The following SMCHD1 variants were observed in gnomAD, a reference collection of about 807,000 sequenced individuals.
SMCHD1 encodes the protein structural maintenance of chromosomes flexible hinge domain-containing protein 1.
A neutral mutation model predicts 254.7 loss-of-function variants in SMCHD1; 78 were observed. That is an observed-to-expected ratio of 0.31 (90% CI 0.26 to 0.37). The LOEUF is 0.37. Among genes scored for constraint, SMCHD1 ranks in the 10% least tolerant of loss-of-function variants. The pLI, the probability that SMCHD1 is intolerant of heterozygous loss-of-function variation, is 1.00. For missense variants in SMCHD1, 1,840 were observed against 2,408.1 expected (o/e 0.76, Z 4.94); for synonymous variants, 766 against 794.9 (o/e 0.96, Z 0.61).
At chr18:2,800,629 TGCTCG>T (rs1288479892) in intron 47 of SMCHD1, 1 of 152,204 alleles carries the variant, frequency 6.6e-6, no homozygotes, top group Non-Finnish European at 1.5e-5. Flanking sequence ...TGAGTCACCA[TGCTCG>T]GCCCAACATC....
intron 5 of SMCHD1, among the ~76,000 whole-genome samples, chr18:2,685,334 C>T (rs963005957): frequency 2.0e-5 from 3 of 151,872 alleles, no homozygotes; most frequent in African/African-American, 2.4e-5. Flanking sequence ...CTCCTGACCT[C>T]GTGATCCGCC....
intron 41 of SMCHD1, 61 bp downstream of exon 41, chr18:2,772,433 G>T: frequency 1.4e-6 from 2 of 1,382,622 alleles, no homozygotes; most frequent in Non-Finnish European, 1.9e-6. Context: ...TGTTTAAAAC[G>T]GGTCTTCTAA....
chr18:2,738,682 C>A, intron 26 of SMCHD1, 137 bp downstream of exon 26: 1 of 797,126 alleles, frequency 1.3e-6, no homozygotes, highest in Non-Finnish European at 1.8e-6. Flanking sequence ...AATAAAGTGT[C>A]ATTGGTGATA....
At chr18:2,777,221 C>G (rs1191143706) in intron 42 of SMCHD1, among the ~76,000 whole-genome samples, 2 of 152,174 alleles carry the variant, frequency 1.3e-5, no homozygotes, top group Non-Finnish European at 2.9e-5. Flanking sequence ...AACGAGTTAT[C>G]CTCTCTGTTT....
intron 35 of SMCHD1, among the ~76,000 whole-genome samples, chr18:2,761,631 A>G (rs1327670671): frequency 2.0e-5 from 3 of 152,158 alleles, no homozygotes; most frequent in African/African-American, 4.8e-5. Context: ...AGCCTGGCCA[A>G]TATGGTGAAA....
rs769432583 is a variant in SMCHD1 at position 2,708,907 on chromosome 18, T to TATATAAA, written c.2260+988_2260+989insTATAAAA. On this transcript the variant is annotated intron_variant, in intron 17 of 47. Coordinates refer to ENST00000320876, the MANE Select transcript of SMCHD1 (RefSeq NM_015295.3). ...ATATATATATATATATATATATATA[T>TATATAAA]AACATATTAACATGAAATTTATGAA... Among the ~76,000 whole-genome samples the TATATAAA allele has an allele frequency of 1.9e-3, 83 of 44,694 alleles. 4 individuals are homozygous for TATATAAA. Among genetic ancestry groups the TATATAAA allele is most frequent in the African/African-American group, 5.0e-3 (59 of 11,884 alleles). The allele number at this position is 44,694 out of a possible 152,430, so 29.3% of individuals were successfully genotyped here. A position where few individuals can be genotyped will look rare whatever the true frequency, so the allele number is the denominator to read the frequency against.
At chr18:2,771,127 G>A (rs2143745175) in intron 39 of SMCHD1, among the ~76,000 whole-genome samples, 1 of 152,222 alleles carries the variant, frequency 6.6e-6, no homozygotes, top group Non-Finnish European at 1.5e-5. Context: ...ACAAGATCAA[G>A]GATATTTAGA....
chr18:2,774,438 A>G (rs1246080216), intron 41 of SMCHD1, among the ~76,000 whole-genome samples: 1 of 151,940 alleles, frequency 6.6e-6, no homozygotes, highest in South Asian at 2.1e-4. Context: ...TTGAGACAGG[A>G]TCTCACTCCT....
chr18:2,760,441 T>G (rs1478717583), intron 34 of SMCHD1: 3 of 391,376 alleles, frequency 7.7e-6, no homozygotes, highest in Non-Finnish European at 1.4e-5. Context: ...AGCACGTTTA[T>G]TCTGGATGTT....
At chr18:2,787,360 C>T (rs1308815783) in intron 45 of SMCHD1, among the ~76,000 whole-genome samples, 1 of 152,168 alleles carries the variant, frequency 6.6e-6, no homozygotes, top group Non-Finnish European at 1.5e-5. Flanking sequence ...CAAATTTTAA[C>T]ATGAGCTTTG....
intron 25 of SMCHD1, among the ~76,000 whole-genome samples, chr18:2,736,995 G>A (rs1372498208): frequency 1.3e-5 from 2 of 152,056 alleles, no homozygotes; most frequent in Admixed American, 6.6e-5. Flanking sequence ...GGTGCCTGTC[G>A]GTAGTAGATT....
chr18:2,731,894 C>A (rs570782462), intron 24 of SMCHD1, among the ~76,000 whole-genome samples: 7 of 152,132 alleles, frequency 4.6e-5, no homozygotes, highest in Non-Finnish European at 8.8e-5. Flanking sequence ...GCCTGTAATC[C>A]CAGCTACTCT....
At chr18:2,700,453 T>G in intron 10 of SMCHD1, 86 bp from the exon 11 acceptor site, 1 of 1,384,114 alleles carries the variant, frequency 7.2e-7, no homozygotes, top group Admixed American at 2.6e-5. Flanking sequence ...TTTTATAGAA[T>G]GCAATTTGAA....
chr18:2,760,601 T>C, intron 34 of SMCHD1, 51 bp from the exon 35 acceptor site: 1 of 1,010,034 alleles, frequency 9.9e-7, no homozygotes, highest in Non-Finnish European at 1.6e-6. Context: ...TTGAATTCCT[T>C]CCCCCTTTAT....
At chr18:2,781,818 A>G (rs2076161718) in intron 44 of SMCHD1, among the ~76,000 whole-genome samples, 1 of 152,210 alleles carries the variant, frequency 6.6e-6, no homozygotes, top group East Asian at 1.9e-4. Flanking sequence ...CCAGAGAGAA[A>G]GAGAAAATGG....
At chr18:2,752,424 T>A in intron 33 of SMCHD1, 64 bp from the exon 34 acceptor site, 1 of 1,044,454 alleles carries the variant, frequency 9.6e-7, no homozygotes, top group Non-Finnish European at 1.5e-6. Context: ...GCTTTCCTCC[T>A]AAGTATACTA....
At chr18:2,735,727 A>C (rs1793338678) in intron 25 of SMCHD1, among the ~76,000 whole-genome samples, 1 of 152,238 alleles carries the variant, frequency 6.6e-6, no homozygotes. Flanking sequence ...GAAGTGAAAG[A>C]TCTCTGCAAG....
intron 5 of SMCHD1, among the ~76,000 whole-genome samples, chr18:2,684,732 T>TGTGA (rs534087695): frequency 6.6e-6 from 1 of 151,014 alleles, no homozygotes; most frequent in South Asian, 2.1e-4. Context: ...TGTGTGTGTG[T>TGTGA]GATTCCATTT....
chr18:2,706,675 G>A, intron 15 of SMCHD1: 1 of 408,786 alleles, frequency 2.4e-6, no homozygotes, highest in Non-Finnish European at 4.4e-6. Context: ...AGACAAAGAA[G>A]GAAATCTTAT....
Sources: gnomAD v4.1 joint callset for allele counts (sites outside exome capture counted in the v4.1 genomes callset) on GRCh38, gnomAD v4.1.1 for gene constraint, MANE v1.5 for transcripts, NCBI Gene and HGNC (gene_info 2026-07-23, HGNC 2026-07-21) for gene names.